Variants in GPHN observed in about 807,000 individuals in gnomAD.
GPHN encodes gephyrin.
In GPHN, 17 loss-of-function variants were observed where a neutral mutation model predicts 95.5. The ratio of observed to expected loss-of-function variants is 0.18; its 90% CI spans 0.12 to 0.27. The LOEUF is 0.27. GPHN is among the 10% of genes least tolerant of loss of function. The probability of loss-of-function intolerance (pLI) is 1.00; values close to 1 mark genes in which losing one functional copy is unlikely to be tolerated. For missense variants in GPHN, 660 were observed against 978.1 expected (o/e 0.67, Z 4.34); for synonymous variants, 320 against 322.5 (o/e 0.99, Z 0.08).
chr14:67,729,421 A>G, the GPHN span: 4 of 1,575,974 alleles, frequency 2.5e-6, no homozygotes, highest in Admixed American at 3.3e-5. Flanking sequence ...ACCTGTGTGC[A>G]TGGGAGGTGC....
the GPHN span, among the ~76,000 whole-genome samples, chr14:67,724,756 G>A: frequency 1.3e-5 from 2 of 152,090 alleles, no homozygotes; most frequent in Admixed American, 1.3e-4. Context: ...CTTACACTGT[G>A]GCCTCCAATA....
chr14:67,348,980 A>C, the GPHN span: 1 of 1,534,956 alleles, frequency 6.5e-7, no homozygotes, highest in Non-Finnish European at 9.0e-7. Context: ...AAACAGGTTA[A>C]TTTTAAAATG....
chr14:67,600,209 CCCCACT>C, the GPHN span: 1 of 1,563,684 alleles, frequency 6.4e-7, no homozygotes. Context: ...TCCATGACGC[CCCCACT>C]CGGCCGCCCG....
chr14:67,579,493 A>C, the GPHN span: 1 of 662,906 alleles, frequency 1.5e-6, no homozygotes, highest in South Asian at 2.3e-5. Context: ...GGGCCTCCAA[A>C]AGATTGTTGG....
At chr14:67,048,483 C>T (rs2075142943) in intron 10 of GPHN, among the ~76,000 whole-genome samples, 1 of 152,142 alleles carries the variant, frequency 6.6e-6, no homozygotes, top group African/African-American at 2.4e-5. Context: ...TAGCTTTAAT[C>T]CTACAAATCT....
chr14:66,986,726 G>C (rs1278019809), intron 9 of GPHN, among the ~76,000 whole-genome samples: 1 of 152,064 alleles, frequency 6.6e-6, no homozygotes, highest in Non-Finnish European at 1.5e-5. Context: ...AGAAAATTCA[G>C]TGCACTGGGA....
At chr14:66,958,467 GT>G (rs2068681563) in intron 8 of GPHN, among the ~76,000 whole-genome samples, 1 of 152,110 alleles carries the variant, frequency 6.6e-6, no homozygotes, top group South Asian at 2.1e-4. Flanking sequence ...CAGTGATTTT[GT>G]TTTTATGCAA....
chr14:66,773,916 T>C (rs535445423), intron 2 of GPHN, among the ~76,000 whole-genome samples: 77 of 151,862 alleles, frequency 5.1e-4, no homozygotes, highest in Admixed American at 1.4e-3. Flanking sequence ...TATTTTACTA[T>C]CATTGGGCCC....
chr14:66,648,994 C>A (rs1307274126), intron 1 of GPHN, among the ~76,000 whole-genome samples: 3 of 152,144 alleles, frequency 2.0e-5, no homozygotes, highest in Non-Finnish European at 1.5e-5. Flanking sequence ...GATCTTACCC[C>A]TAAACTTTAC....
Position 67,179,503 on chromosome 14 carries a change from C to T in GPHN, c.2080-75C>T, listed in dbSNP as rs1555510120. The T allele has an allele frequency of 1.7e-5, 14 of 842,938 alleles. No homozygotes were observed. In the South Asian group the frequency reaches 1.9e-4, roughly 12 times the overall value. The allele number at this position is 842,938 out of a possible 1,614,324, so 52.2% of individuals were successfully genotyped here. ...CTCCATGTCCACTGTATTCTTTGCA[C>T]AACCCCTACTATCTTGTATTTTTGT... On this transcript the variant is annotated intron_variant, in intron 21 of 22. Transcript: ENST00000478722.
chr14:67,421,969 G>A, the GPHN span, among the ~76,000 whole-genome samples: 2 of 152,120 alleles, frequency 1.3e-5, no homozygotes, highest in East Asian at 1.9e-4. Flanking sequence ...CATCTGACTG[G>A]TATCCGGTCA....
intron 1 of GPHN, among the ~76,000 whole-genome samples, chr14:66,522,823 G>T (rs1198541886): frequency 2.7e-5 from 4 of 149,600 alleles, no homozygotes; most frequent in Non-Finnish European, 4.5e-5. Flanking sequence ...TTAAAATGTT[G>T]ACTGAATATA....
At chr14:67,134,946 C>CTT (rs1191759117) in intron 17 of GPHN, among the ~76,000 whole-genome samples, 1 of 59,162 alleles carries the variant, frequency 1.7e-5, no homozygotes, top group African/African-American at 6.8e-5. Context: ...CTCTTTCTTT[C>CTT]TTTCTTCTTT....
chr14:67,653,657 C>T, the GPHN span, among the ~76,000 whole-genome samples: 1 of 152,108 alleles, frequency 6.6e-6, no homozygotes, highest in African/African-American at 2.4e-5. Context: ...GTAGAAGAAC[C>T]TGGAAAGGAC....
chr14:67,317,622 A>G, the GPHN span: 1 of 529,718 alleles, frequency 1.9e-6, no homozygotes, highest in African/African-American at 2.0e-5. Flanking sequence ...TGAGTAAGGC[A>G]GTGTTTTGAA....
chr14:67,494,401 A>T, the GPHN span, among the ~76,000 whole-genome samples: 1 of 152,206 alleles, frequency 6.6e-6, no homozygotes, highest in Non-Finnish European at 1.5e-5. Flanking sequence ...TCACAGTGCT[A>T]GTAAGGGCAG....
chr14:66,927,805 T>C (rs891968502), intron 8 of GPHN, among the ~76,000 whole-genome samples: 2 of 152,198 alleles, frequency 1.3e-5, no homozygotes, highest in African/African-American at 4.8e-5. Flanking sequence ...TCATACGGTT[T>C]TTGTCATTCA....
chr14:66,956,920 C>G (rs1175551864), intron 8 of GPHN, among the ~76,000 whole-genome samples: 1 of 130,136 alleles, frequency 7.7e-6, no homozygotes, highest in Non-Finnish European at 1.5e-5. Context: ...ACAATGAGAT[C>G]ACATGGACAC....
intron 1 of GPHN, among the ~76,000 whole-genome samples, chr14:66,633,492 T>G (rs72726426): frequency 0.039 from 5,900 of 152,276 alleles, 173 homozygotes; most frequent in Middle Eastern, 0.062. Context: ...TTTTTGAGAT[T>G]TATCTATATT....
Sources: allele counts gnomAD v4.1 joint callset (sites outside exome capture counted in the v4.1 genomes callset), GRCh38; gene constraint gnomAD v4.1.1; transcripts MANE v1.5; gene names NCBI Gene and HGNC (gene_info 2026-07-23, HGNC 2026-07-21).